The following MEIOC variants were observed in gnomAD, a reference collection of about 807,000 sequenced individuals.
MEIOC encodes the protein meiosis specific with coiled-coil domain, also known as meiosis-specific coiled-coil domain-containing protein MEIOC.
A neutral mutation model predicts 85.3 loss-of-function variants in MEIOC; 9 were observed. That is an observed-to-expected ratio of 0.11 (90% CI 0.06 to 0.18). MEIOC has a LOEUF of 0.18. Ranked by LOEUF, MEIOC falls within the 10% of genes least tolerant of loss-of-function variation. The pLI is 1.00. For missense variants in MEIOC, 898 were observed against 1,129.4 expected (o/e 0.80, Z 2.94); for synonymous variants, 365 against 393.7 (o/e 0.93, Z 0.86).
rs1170819699 is a variant in MEIOC, at chr17:44,667,315, A to C, written c.1404A>C (p.Ser468=). 1 of 1,613,714 alleles carries C rather than the reference A, an allele frequency of 6.2e-7. No homozygotes were observed. Among genetic ancestry groups the C allele is most frequent in the Non-Finnish European group, 8.5e-7 (1 of 1,179,820 alleles). ...TATTATCAAACTCAGCAACATCTTC[A>C]GGAGGTATCAATTTAAACAGACCAA... ...VNLLSNSATS[S]GGINLNRPTW... is the part of the protein sequence containing the mutation. Residue 468 remains serine, a synonymous_variant, in exon 5 of 8, where the codon TCA becomes TCC. Coordinates refer to ENST00000409122, the MANE Select transcript of MEIOC (RefSeq NM_001145080.3).
chr17:44,660,806 C>G (rs772833031), intron 2 of MEIOC, among the ~76,000 whole-genome samples: 2 of 151,966 alleles, frequency 1.3e-5, no homozygotes, highest in Non-Finnish European at 2.9e-5. Context: ...AATCTTAAAA[C>G]CCAAGGCCCG....
chr17:44,658,804 A>G (rs1971805993), intron 2 of MEIOC, among the ~76,000 whole-genome samples: 1 of 151,536 alleles, frequency 6.6e-6, no homozygotes, highest in African/African-American at 2.4e-5. Flanking sequence ...AAAAAAAAAA[A>G]AAAAGAAAAA....
Position 44,667,457 on chromosome 17 carries a change from G to C in MEIOC, c.1546G>C (p.Asp516His), listed in dbSNP as rs1971925819. Reference protein sequence around the residue: ...AASKGSNHSSDFPQLSSTNLT... With the variant: ...AASKGSNHSSHFPQLSSTNLT... Reference sequence around the variant, plus strand: ...TTCAAAAGGTTCTAACCATTCTTCAGATTTCCCCCAACTATCATCCACAAA... The same window carrying C: ...TTCAAAAGGTTCTAACCATTCTTCACATTTCCCCCAACTATCATCCACAAA... Residue 516 changes from aspartate to histidine, a missense_variant, in exon 5 of 8, where the codon GAT becomes CAT. Transcript: ENST00000409122. 6.2e-7 allele frequency: 1 copy of C among 1,613,540 alleles called. No individual in the cohort carries two copies. The highest frequency in any genetic ancestry group is 1.7e-5 in the Admixed American group (1 of 59,926).
chr17:44,657,265 C>G lies in MEIOC; in HGVS notation c.204+4C>G. 4 of 1,549,914 alleles carry G rather than the reference C, an allele frequency of 2.6e-6. No homozygotes were observed. Among genetic ancestry groups the G allele is most frequent in the Non-Finnish European group, 3.5e-6 (4 of 1,145,400 alleles). ...CTACGATTGCTACACATCGCAGGTC[C>G]TTTAGTAAACTCTGCCTCTGTTAGA... On this transcript the variant is annotated splice_donor_region_variant and intron_variant, in intron 2 of 7. Coordinates refer to ENST00000409122, the MANE Select transcript of MEIOC (RefSeq NM_001145080.3).
At chr17:44,669,879 C>T (rs1971975913) in intron 6 of MEIOC, 1 of 176,944 alleles carries the variant, frequency 5.7e-6, no homozygotes, top group Non-Finnish European at 1.2e-5. Context: ...ATAAATAAAA[C>T]TCTCATCAAG....
chr17:44,658,319 TA>T (rs1319891182), intron 2 of MEIOC, among the ~76,000 whole-genome samples: 1 of 151,474 alleles, frequency 6.6e-6, no homozygotes, highest in African/African-American at 2.4e-5. Flanking sequence ...CACGCCCGGC[TA>T]ATTTTTTTGT....
chr17:44,666,346 G>A (rs146010698), intron 4 of MEIOC, 30 bp from the exon 5 acceptor site: 1 of 1,494,712 alleles, frequency 6.7e-7, no homozygotes, highest in Non-Finnish European at 8.9e-7. Context: ...TAAAACCTAA[G>A]TTGTAATTAA....
chr17:44,656,819 G>T, intron 1 of MEIOC, 137 bp downstream of exon 1: 1 of 447,058 alleles, frequency 2.2e-6, no homozygotes, highest in South Asian at 6.9e-5. Flanking sequence ...GAACGGGGCG[G>T]GCGGGCGGGG....
At chr17:44,660,045 G>T (rs77152598) in intron 2 of MEIOC, among the ~76,000 whole-genome samples, 1,878 of 152,168 alleles carry the variant, frequency 0.012, 40 homozygotes, top group African/African-American at 0.041. Flanking sequence ...TGAGATTCTT[G>T]AAGATGGATG....
intron 3 of MEIOC, chr17:44,665,142 G>C: frequency 9.5e-7 from 1 of 1,051,076 alleles, no homozygotes; most frequent in Non-Finnish European, 1.1e-6. Flanking sequence ...TAAGAGGTAA[G>C]CATGCACTGT....
intron 7 of MEIOC, 181 bp downstream of exon 7, chr17:44,673,727 T>C: frequency 2.7e-6 from 2 of 730,948 alleles, no homozygotes; most frequent in Middle Eastern, 3.9e-4. Context: ...ATTTTGTCTG[T>C]TATAACTGTT....
chr17:44,671,645 G>A (rs1972012430), intron 6 of MEIOC, among the ~76,000 whole-genome samples: 1 of 152,038 alleles, frequency 6.6e-6, no homozygotes, highest in Non-Finnish European at 1.5e-5. Context: ...GGTGGTTCAT[G>A]CCTGTAATCC....
At position 44,657,227 on chromosome 17, in the gene MEIOC, G is replaced by T; in HGVS notation, c.170G>T (p.Gly57Val). ...GTCTTCGGCAGCGTGATGTTGACTGGCTCCGCTTCCTTCTACGATTGCTAC... is the reference window on the plus strand; with the variant it reads ...GTCTTCGGCAGCGTGATGTTGACTGTCTCCGCTTCCTTCTACGATTGCTAC... ...TDVFGSVMLT[G>V]SASFYDCYTS... The change falls in exon 2 of 8, where the codon GGC becomes GTC. Residue 57 changes from glycine to valine, a missense_variant. By Grantham distance (109) the Gly-to-Val change is moderately radical. Coordinates refer to ENST00000409122, the MANE Select transcript of MEIOC (RefSeq NM_001145080.3). 1 of 1,552,072 alleles carries T rather than the reference G, an allele frequency of 6.4e-7. No individual in the cohort carries two copies. Among genetic ancestry groups the T allele is most frequent in the Non-Finnish European group, 8.7e-7 (1 of 1,146,990 alleles).
chr17:44,666,217 T>C (rs1444076374), intron 4 of MEIOC, among the ~76,000 whole-genome samples, 159 bp from the exon 5 acceptor site: 1 of 152,198 alleles, frequency 6.6e-6, no homozygotes, highest in Non-Finnish European at 1.5e-5. Flanking sequence ...CAGATAATTA[T>C]CTGGAGCTAA....
chr17:44,667,702 T>C lies in MEIOC; in HGVS notation c.1791T>C (p.Tyr597=). 3 of 1,613,508 alleles carry C rather than the reference T, an allele frequency of 1.9e-6. No individual in the cohort carries two copies. The highest frequency in any genetic ancestry group is 2.5e-6 in the Non-Finnish European group (3 of 1,179,692). Residue 597 remains tyrosine (Y), a synonymous_variant, in exon 5 of 8, where the codon TAT becomes TAC. Transcript: ENST00000409122. ...GTGATAACTATTCAGCTCAGAAGTA[T>C]GGGATAATTGAAAATGTAAACAAAC... The part of the protein sequence containing the change: ...GFCDNYSAQK[Y]GIIENVNKHN...
In MEIOC at chr17:44,669,504, G is replaced by A. The variant is rs1159551333; in HGVS notation, c.2444G>A (p.Arg815Gln). Residue 815 changes from arginine to glutamine, a missense_variant, in exon 6 of 8, where the codon CGA becomes CAA. This residue lies in a region of MEIOC where 164 missense variants were observed against 269.2 expected (regional missense o/e 0.61). Coordinates refer to ENST00000409122, the MANE Select transcript of MEIOC (RefSeq NM_001145080.3). ...RVDRLIVDEL[R>Q]ELARVVTLLG... ...GATCGCTTAATTGTGGATGAACTTC[G>A]AGAACTAGCCAGAGTAAGCTGTAAA... 3 of 1,552,536 alleles carry A rather than the reference G, an allele frequency of 1.9e-6. No individual in the cohort carries two copies. The highest frequency in any genetic ancestry group is 3.9e-5 in the Admixed American group (2 of 51,064).
At chr17:44,658,625 T>C (rs1971802309) in intron 2 of MEIOC, among the ~76,000 whole-genome samples, 1 of 151,060 alleles carries the variant, frequency 6.6e-6, no homozygotes, top group Non-Finnish European at 1.5e-5. Flanking sequence ...CGAAACCCCA[T>C]CTCTACTAAA....
At position 44,669,755 on chromosome 17, in the gene MEIOC, G is replaced by C. The variant is rs1290825228; in HGVS notation, c.2457+238G>C. ...TGCGCCTGTAGTCCCAGCTACTTGG[G>C]AGGCTGAGGCAGGAGAATCATTTAA... On this transcript the variant is annotated intron_variant, in intron 6 of 7. Transcript: ENST00000409122. 7 of 410,286 alleles carry C rather than the reference G, an allele frequency of 1.7e-5. No individual in the cohort carries two copies. In the Admixed American group the frequency reaches 2.2e-4, roughly 13 times the overall value. The allele number at this position is 410,286 out of a possible 1,614,324, so 25.4% of individuals were successfully genotyped here.
downstream of MEIOC, chr17:44,675,841 AAG>A: frequency 1.3e-6 from 1 of 770,296 alleles, no homozygotes; most frequent in Non-Finnish European, 1.6e-6. Context: ...TTCTAACCTT[AAG>A]AGTCACTCAT....
Sources: allele counts gnomAD v4.1 joint callset (sites outside exome capture counted in the v4.1 genomes callset), GRCh38; gene constraint gnomAD v4.1.1; regional missense constraint gnomAD v4.1.1; transcripts MANE v1.5; gene names NCBI Gene and HGNC (gene_info 2026-07-23, HGNC 2026-07-21).